EFNB2: variants seen among roughly 807,000 people sequenced by gnomAD.
EFNB2 encodes the protein ephrin B2.
Under a neutral mutation model 32.1 loss-of-function variants are expected in EFNB2, and 5 were observed. That is an observed-to-expected ratio of 0.16 (90% CI 0.08 to 0.33). The LOEUF is 0.33. Ranked by LOEUF, EFNB2 falls within the 10% of genes least tolerant of loss-of-function variation. EFNB2 has a pLI of 1.00. For synonymous variants in EFNB2, 168 were observed against 166.5 expected, an observed-to-expected ratio of 1.01 and a Z score of -0.07; for missense variants, 263 against 422.6, an observed-to-expected ratio of 0.62 and a Z score of 3.31.
At chr13:106,534,262 A>G (rs1401573786) in intron 1 of EFNB2, among the ~76,000 whole-genome samples, 1 of 152,160 alleles carries the variant, frequency 6.6e-6, no homozygotes, top group Admixed American at 6.5e-5. Context: ...TCTCCTGCGA[A>G]GCAGGCGAGC....
intron 2 of EFNB2, among the ~76,000 whole-genome samples, chr13:106,504,154 A>G (rs1878871150): frequency 2.0e-5 from 3 of 152,222 alleles, no homozygotes; most frequent in Admixed American, 6.5e-5. Flanking sequence ...TAGCTGGGAA[A>G]GGGTCAGAGT....
intron 1 of EFNB2, among the ~76,000 whole-genome samples, chr13:106,525,554 G>A (rs112229892): frequency 7.9e-5 from 12 of 152,302 alleles, no homozygotes; most frequent in African/African-American, 2.9e-4. Flanking sequence ...CTGAAATACT[G>A]TTTCTTTGGC....
At chr13:106,509,025 A>T (rs1240338786) in intron 2 of EFNB2, among the ~76,000 whole-genome samples, 1 of 152,268 alleles carries the variant, frequency 6.6e-6, no homozygotes, top group Non-Finnish European at 1.5e-5. Context: ...GTGATCCTAT[A>T]TTGCATTTGT....
chr13:106,497,478 T>G (rs1034811120), intron 2 of EFNB2, among the ~76,000 whole-genome samples: 1 of 148,788 alleles, frequency 6.7e-6, no homozygotes, highest in Non-Finnish European at 1.5e-5. Context: ...AAAAAAAACC[T>G]AAAAATTTTG....
intron 1 of EFNB2, among the ~76,000 whole-genome samples, chr13:106,515,883 A>G (rs1879295680): frequency 6.6e-6 from 1 of 152,204 alleles, no homozygotes; most frequent in Admixed American, 6.5e-5. Flanking sequence ...TAACAACTCA[A>G]GTAACCTATG....
At chr13:106,526,102 TG>T (rs1212558546) in intron 1 of EFNB2, among the ~76,000 whole-genome samples, 1 of 152,088 alleles carries the variant, frequency 6.6e-6, no homozygotes, top group Non-Finnish European at 1.5e-5. Context: ...TCAGGAACTC[TG>T]GGGGTGGGGC....
At chr13:106,508,849 TA>T (rs2138916530) in intron 2 of EFNB2, among the ~76,000 whole-genome samples, 1 of 152,342 alleles carries the variant, frequency 6.6e-6, no homozygotes, top group East Asian at 1.9e-4. Flanking sequence ...GGGACTTAGT[TA>T]ATACTTAGTG....
chr13:106,514,964 C>T (rs929717392), intron 1 of EFNB2, among the ~76,000 whole-genome samples: 1 of 152,208 alleles, frequency 6.6e-6, no homozygotes, highest in Admixed American at 6.5e-5. Flanking sequence ...TCCCACATTA[C>T]ACCCTATGTC....
intron 1 of EFNB2, among the ~76,000 whole-genome samples, chr13:106,534,371 C>T (rs1210436105): frequency 6.6e-6 from 1 of 152,184 alleles, no homozygotes; most frequent in Non-Finnish European, 1.5e-5. Flanking sequence ...CTCCAGAACG[C>T]GCTTCGCTGC....
chr13:106,527,405 T>C (rs546274618), intron 1 of EFNB2, among the ~76,000 whole-genome samples: 1 of 152,202 alleles, frequency 6.6e-6, no homozygotes, highest in Non-Finnish European at 1.5e-5. Context: ...TACTTACTCG[T>C]GCTTTAGAGA....
chr13:106,503,865 A>G (rs1803392467), intron 2 of EFNB2, among the ~76,000 whole-genome samples: 2 of 152,260 alleles, frequency 1.3e-5, no homozygotes, highest in African/African-American at 4.8e-5. Flanking sequence ...CCACTGCAAT[A>G]GCAATGACTC....
chr13:106,504,829 T>C (rs746476594), intron 2 of EFNB2, among the ~76,000 whole-genome samples: 33 of 152,202 alleles, frequency 2.2e-4, no homozygotes, highest in Non-Finnish European at 4.4e-4. Context: ...TCATACCACC[T>C]CTACTTGTAT....
At chr13:106,506,475 G>T (rs909615578) in intron 2 of EFNB2, 11 of 152,280 alleles carry the variant, frequency 7.2e-5, no homozygotes, top group African/African-American at 2.6e-4. Context: ...TGAACAAAAA[G>T]ATACATAAAT....
At position 106,495,740 on chromosome 13, in the gene EFNB2, G is replaced by A; in HGVS notation, c.499+8C>T. The A allele has an allele frequency of 1.9e-6, 3 of 1,613,858 alleles. No homozygotes were observed. The highest frequency in any genetic ancestry group is 2.5e-6 in the Non-Finnish European group (3 of 1,179,820). On this transcript the variant is annotated splice_region_variant and intron_variant, in intron 3 of 4. Coordinates refer to ENST00000646441, the MANE Select transcript of EFNB2 (RefSeq NM_004093.4). Reference sequence around the variant, plus strand: ...CAGTGGCGTCATGAAGCAGCAGATGGTCTTTACCTTGTCCAACTTTCATGA... The same window carrying A: ...CAGTGGCGTCATGAAGCAGCAGATGATCTTTACCTTGTCCAACTTTCATGA...
intron 2 of EFNB2, 138 bp downstream of exon 2, chr13:106,512,391 A>AT: frequency 5.3e-6 from 2 of 374,534 alleles, no homozygotes; most frequent in Non-Finnish European, 8.4e-6. Context: ...GAAAAAAAAA[A>AT]AGGGGGGGGG....
At chr13:106,515,193 G>A (rs1462258061) in intron 1 of EFNB2, among the ~76,000 whole-genome samples, 1 of 152,176 alleles carries the variant, frequency 6.6e-6, no homozygotes, top group East Asian at 1.9e-4. Context: ...GCAGGGGTCG[G>A]TGTGGCTTTG....
intron 1 of EFNB2, among the ~76,000 whole-genome samples, chr13:106,525,966 T>C (rs1007697509): frequency 6.6e-6 from 1 of 152,158 alleles, no homozygotes; most frequent in Non-Finnish European, 1.5e-5. Context: ...TAATGTTGAG[T>C]TGTTTTCCCA....
chr13:106,535,117 C>A lies in EFNB2; in HGVS notation c.-153G>T. 9.9e-7 allele frequency: 1 copy of A among 1,009,210 alleles called. No individual in the cohort carries two copies. Among genetic ancestry groups the A allele is most frequent in the Non-Finnish European group, 1.3e-6 (1 of 759,576 alleles). The allele number at this position is 1,009,210 out of a possible 1,614,324, so 62.5% of individuals were successfully genotyped here. A position where few individuals can be genotyped will look rare whatever the true frequency, so the allele number is the denominator to read the frequency against. On this transcript the variant is annotated 5_prime_UTR_variant, in exon 1 of 5. Coordinates refer to ENST00000646441, the MANE Select transcript of EFNB2 (RefSeq NM_004093.4). ...CGCGCTGCGCAGCTCCAGCGGTCGCCGGGCCAGGTGCGCTCGCTCTCCGGG... is the reference window on the plus strand; with the variant it reads ...CGCGCTGCGCAGCTCCAGCGGTCGCAGGGCCAGGTGCGCTCGCTCTCCGGG...
intron 1 of EFNB2, chr13:106,521,675 T>C (rs1879525447): frequency 6.6e-6 from 1 of 152,220 alleles, no homozygotes; most frequent in Admixed American, 6.5e-5. Flanking sequence ...TCTTGTTTTT[T>C]ATTTGTGATG....
Sources: allele counts gnomAD v4.1 joint callset (sites outside exome capture counted in the v4.1 genomes callset), GRCh38; gene constraint gnomAD v4.1.1; transcripts MANE v1.5; gene names NCBI Gene and HGNC (gene_info 2026-07-23, HGNC 2026-07-21).